AFF1: variants seen among roughly 807,000 people sequenced by gnomAD.
AFF1 encodes AF4/FMR2 family member 1.
Under a neutral mutation model 121.7 loss-of-function variants are expected in AFF1, and 48 were observed. The ratio of observed to expected loss-of-function variants is 0.39; its 90% confidence interval spans 0.31 to 0.50. AFF1 has a LOEUF of 0.50. Among genes scored for constraint, AFF1 ranks in the 20% least tolerant of loss-of-function variants. The pLI is 0.76. For missense variants in AFF1, 1,523 were observed against 1,511.7 expected, an observed-to-expected ratio of 1.01 and a Z score of -0.12; for synonymous variants, 613 against 563.0, an observed-to-expected ratio of 1.09 and a Z score of -1.26.
chr4:86,992,732 T>A (rs562087043), intron 2 of AFF1, among the ~76,000 whole-genome samples: 1 of 152,218 alleles, frequency 6.6e-6, no homozygotes, highest in Non-Finnish European at 1.5e-5. Context: ...CCTGAAAAAC[T>A]CTGTTGCTAT....
At chr4:86,969,474 A>T (rs759723994) in intron 2 of AFF1, among the ~76,000 whole-genome samples, 10 of 151,518 alleles carry the variant, frequency 6.6e-5, no homozygotes, top group Non-Finnish European at 1.3e-4. Context: ...GCGAGCTTCC[A>T]TCTCAAAAAC....
intron 8 of AFF1, among the ~76,000 whole-genome samples, chr4:87,101,746 ACTTTT>A (rs1725455733): frequency 1.3e-5 from 2 of 152,172 alleles, no homozygotes; most frequent in Non-Finnish European, 2.9e-5. Flanking sequence ...GAAAAGTGTT[ACTTTT>A]CTTATTATTT....
At chr4:87,000,210 A>T (rs550747002) in intron 2 of AFF1, among the ~76,000 whole-genome samples, 10 of 152,204 alleles carry the variant, frequency 6.6e-5, no homozygotes, top group Non-Finnish European at 1.3e-4. Context: ...TATAGCTATT[A>T]CCACCCCTTT....
intron 12 of AFF1, among the ~76,000 whole-genome samples, chr4:87,122,383 C>T (rs1727778891): frequency 6.6e-6 from 1 of 152,222 alleles, no homozygotes; most frequent in South Asian, 2.1e-4. Context: ...TTCACTGTCT[C>T]TCAAGTGTTA....
At chr4:87,022,703 T>C (rs1419478434) in intron 2 of AFF1, among the ~76,000 whole-genome samples, 1 of 135,574 alleles carries the variant, frequency 7.4e-6, no homozygotes, top group Non-Finnish European at 1.5e-5. Flanking sequence ...TCTGTGTGTA[T>C]ATATATATCT....
chr4:87,104,899 G>A (rs1725760762), intron 8 of AFF1, among the ~76,000 whole-genome samples: 1 of 151,742 alleles, frequency 6.6e-6, no homozygotes, highest in African/African-American at 2.4e-5. Context: ...ATAGCAATAA[G>A]GTTAAACATA....
chr4:86,991,193 CCAA>C (rs900152032), intron 2 of AFF1, among the ~76,000 whole-genome samples: 24 of 152,170 alleles, frequency 1.6e-4, no homozygotes, highest in Middle Eastern at 3.4e-3. Flanking sequence ...GCCTGTAATC[CCAA>C]CACTTTGGGA....
In AFF1 at chr4:86,940,615, G is replaced by A. The variant is rs1163413146; in HGVS notation, c.-37+5375G>A. 3.3e-5 allele frequency among the ~76,000 whole-genome samples: 5 copies of A among 152,050 alleles called. No individual in the cohort carries two copies. The East Asian group carries it at 9.8e-4, about 30-fold the overall frequency. On this transcript the variant is annotated intron_variant, in intron 1 of 20. Coordinates refer to ENST00000395146, the MANE Select transcript of AFF1 (RefSeq NM_001166693.3). The stretch of plus-strand genomic sequence containing the variant: ...GGTTTCACCCATGTTGGCCAGGGTA[G>A]TCTTGAACTCCTGACCTCAGATGAT...
intron 11 of AFF1, among the ~76,000 whole-genome samples, chr4:87,112,618 T>C (rs1726653783): frequency 6.6e-6 from 1 of 152,234 alleles, no homozygotes; most frequent in South Asian, 2.1e-4. Context: ...TTTTGCATCA[T>C]GGATTTCCAT....
intron 2 of AFF1, among the ~76,000 whole-genome samples, chr4:87,002,117 T>TC (rs948049845): frequency 3.3e-5 from 5 of 151,830 alleles, no homozygotes; most frequent in African/African-American, 9.7e-5. Context: ...TTTTTTTTTT[T>TC]TTCCCAGAGA....
Position 86,973,320 on chromosome 4 carries a change from G to A in AFF1, c.38+24749G>A, listed in dbSNP as rs552748433. ...TGCCCGTTAACACCTGGGTGCTGCA[G>A]CCTTTTGTATAAGGGGGCAGGATGA... On this transcript the variant is annotated intron_variant, in intron 2 of 20. Transcript: ENST00000395146. Among the ~76,000 whole-genome samples the A allele has an allele frequency of 2.6e-5, 4 of 152,284 alleles. No individual in the cohort carries two copies. The East Asian group carries it at 7.7e-4, about 29-fold the overall frequency.
chr4:87,139,203 C>A lies in AFF1; in HGVS notation c.*3502C>A, dbSNP rs137978673. ...TTTGAGTGAACCCAGTTTTTAAATA[C>A]CGCTGTGTTTGTTTCGCCATGGCTT... is the stretch of plus-strand genomic sequence containing the variant. On this transcript the variant is annotated 3_prime_UTR_variant, in exon 21 of 21. Coordinates refer to ENST00000395146, the MANE Select transcript of AFF1 (RefSeq NM_001166693.3). 4.3e-6 allele frequency: 1 copy of A among 231,610 alleles called. No individual in the cohort carries two copies. Among genetic ancestry groups the A allele is most frequent in the Admixed American group, 5.7e-5 (1 of 17,690 alleles). 14.3% of individuals were successfully genotyped at this position (231,610 alleles called of 1,614,324 possible).
At chr4:87,055,922 ACT>A (rs1720082758) in intron 4 of AFF1, among the ~76,000 whole-genome samples, 1 of 151,984 alleles carries the variant, frequency 6.6e-6, no homozygotes, top group Non-Finnish European at 1.5e-5. Context: ...TTTCCCAAGA[ACT>A]CTATAAGCAG....
At chr4:87,127,166 T>TGGGGCCC in intron 15 of AFF1, 49 bp downstream of exon 15, 1 of 1,084,624 alleles carries the variant, frequency 9.2e-7, no homozygotes, top group Non-Finnish European at 1.3e-6. Context: ...TTGTTTTGCT[T>TGGGGCCC]CCCCCCCCCA....
chr4:87,037,201 A>G (rs116936977), intron 2 of AFF1, among the ~76,000 whole-genome samples: 1 of 152,314 alleles, frequency 6.6e-6, no homozygotes, highest in East Asian at 1.9e-4. Context: ...TTTTATACAA[A>G]TAATAGATGC....
At position 87,140,528 on chromosome 4, in the gene AFF1, A is replaced by G. The variant is rs1383143056; in HGVS notation, c.*4827A>G. The G allele has an allele frequency of 1.1e-5, 2 of 175,996 alleles. No individual in the cohort carries two copies. The highest frequency in any genetic ancestry group is 2.0e-4 in the East Asian group (2 of 10,104). The allele number at this position is 175,996 out of a possible 1,614,324, so 10.9% of individuals were successfully genotyped here. On this transcript the variant is annotated 3_prime_UTR_variant, in exon 21 of 21. Coordinates refer to ENST00000395146, the MANE Select transcript of AFF1 (RefSeq NM_001166693.3). ...TTGCTTTCTTATAACTTTGGAGGAA[A>G]GTCAAATCTTGGTATTATTAAAATT...
At position 86,936,763 on chromosome 4, in the gene AFF1, G is replaced by A. The variant is rs1013232140; in HGVS notation, c.-37+1523G>A. Reference sequence around the variant, plus strand: ...GATGGTTTGCTTGCTTTAATTTCAAGGTGTTGTCTCTTGTGGATGTTGGGA... The same window carrying A: ...GATGGTTTGCTTGCTTTAATTTCAAAGTGTTGTCTCTTGTGGATGTTGGGA... On this transcript the variant is annotated intron_variant, in intron 1 of 20. Transcript: ENST00000395146. Among the ~76,000 whole-genome samples the A allele has an allele frequency of 5.3e-5, 8 of 152,298 alleles. No homozygotes were observed. The East Asian group carries it at 1.2e-3, about 22-fold the overall frequency.
Position 87,115,238 on chromosome 4 carries a change from A to G in AFF1, c.2405A>G (p.Lys802Arg). 1 of 1,614,074 alleles carries G rather than the reference A, an allele frequency of 6.2e-7. No homozygotes were observed. Among genetic ancestry groups the G allele is most frequent in the South Asian group, 1.1e-5 (1 of 91,068 alleles). Residue 802 changes from lysine to arginine, a missense_variant, in exon 12 of 21, where the codon AAG becomes AGG. Around this residue, in one of 5 missense-constraint regions of AFF1, gnomAD observed 905 missense variants for 842.5 expected, o/e 1.07. Transcript: ENST00000395146. ...KAEDKQPPAG[K>R]KHSSEKRSSD... is the part of the protein sequence containing the mutation. Reference sequence around the variant, plus strand: ...GAAGATAAACAGCCGCCCGCAGGGAAGAAGCACAGCTCTGAGAAGAGGAGC... The same window carrying G: ...GAAGATAAACAGCCGCCCGCAGGGAGGAAGCACAGCTCTGAGAAGAGGAGC...
intron 11 of AFF1, among the ~76,000 whole-genome samples, chr4:87,110,620 T>G (rs1271411239): frequency 6.6e-6 from 1 of 152,134 alleles, no homozygotes; most frequent in African/African-American, 2.4e-5. Context: ...TATCTTCCAT[T>G]TTTTTAATGC....
Sources: allele counts gnomAD v4.1 joint callset (sites outside exome capture counted in the v4.1 genomes callset), GRCh38; gene constraint gnomAD v4.1.1; regional missense constraint gnomAD v4.1.1; transcripts MANE v1.5; gene names NCBI Gene and HGNC (gene_info 2026-07-23, HGNC 2026-07-21).